PLXNA4: variants seen among roughly 807,000 people sequenced by gnomAD.
The protein encoded by PLXNA4 is plexin A4.
A neutral mutation model predicts 191.8 loss-of-function variants in PLXNA4; 44 were observed. That is an observed-to-expected ratio of 0.23 (90% confidence interval 0.18 to 0.29). PLXNA4 has a LOEUF of 0.29. Ranked by LOEUF, PLXNA4 falls within the 10% of genes least tolerant of loss-of-function variation. PLXNA4 has a pLI of 1.00. For missense variants in PLXNA4, 1,800 were observed against 2,488.8 expected (o/e 0.72, Z 5.89); for synonymous variants, 1,082 against 1,009.5 (o/e 1.07, Z -1.36).
At chr7:132,519,584 C>A (rs1245307589) in intron 1 of PLXNA4, among the ~76,000 whole-genome samples, 1 of 152,192 alleles carries the variant, frequency 6.6e-6, no homozygotes, top group Non-Finnish European at 1.5e-5. Flanking sequence ...CTCACTGCAT[C>A]CCTGCCTGCC....
intron 1 of PLXNA4, among the ~76,000 whole-genome samples, chr7:132,534,541 T>C (rs1563156861): frequency 1.3e-5 from 2 of 152,070 alleles, no homozygotes; most frequent in African/African-American, 4.8e-5. Context: ...TGTGTGTGCA[T>C]AGATTCTGTA....
intron 1 of PLXNA4, among the ~76,000 whole-genome samples, chr7:132,551,900 A>G (rs1282411252): frequency 6.6e-6 from 1 of 152,188 alleles, no homozygotes; most frequent in Non-Finnish European, 1.5e-5. Context: ...TTAAATGAAC[A>G]TACTAATTAG....
intron 30 of PLXNA4, 98 bp from the exon 31 acceptor site, chr7:132,133,297 C>T: frequency 6.5e-7 from 1 of 1,534,680 alleles, no homozygotes; most frequent in Non-Finnish European, 8.7e-7. Flanking sequence ...ATGAGCTCAG[C>T]TTGCACTGCA....
chr7:132,376,494 A>C (rs1804663358), intron 3 of PLXNA4, among the ~76,000 whole-genome samples: 1 of 152,188 alleles, frequency 6.6e-6, no homozygotes, highest in Admixed American at 6.5e-5. Context: ...CAAACTCAGC[A>C]ACTATAAACA....
intron 3 of PLXNA4, among the ~76,000 whole-genome samples, chr7:132,429,802 G>T (rs768248821): frequency 2.6e-5 from 4 of 152,122 alleles, no homozygotes; most frequent in South Asian, 2.1e-4. Flanking sequence ...TTAGAACAAG[G>T]CTTGATGGTC....
chr7:132,226,574 CA>C (rs1267338971), intron 7 of PLXNA4, among the ~76,000 whole-genome samples: 4 of 152,168 alleles, frequency 2.6e-5, no homozygotes, highest in Admixed American at 2.6e-4. Context: ...GATTCATAAC[CA>C]GGAGAAACAC....
At chr7:132,521,815 A>G (rs1426716567) in intron 1 of PLXNA4, among the ~76,000 whole-genome samples, 2 of 152,180 alleles carry the variant, frequency 1.3e-5, no homozygotes, top group East Asian at 3.9e-4. Flanking sequence ...CTCTGAAATC[A>G]ACACCAGGTC....
At chr7:132,529,328 T>C (rs1799532624) in intron 1 of PLXNA4, among the ~76,000 whole-genome samples, 1 of 152,242 alleles carries the variant, frequency 6.6e-6, no homozygotes, top group Admixed American at 6.5e-5. Flanking sequence ...TCTGCATACT[T>C]ATTTTCATGT....
At chr7:132,455,049 A>G (rs1796262703) in intron 3 of PLXNA4, among the ~76,000 whole-genome samples, 1 of 152,216 alleles carries the variant, frequency 6.6e-6, no homozygotes, top group Non-Finnish European at 1.5e-5. Flanking sequence ...AGGCTGTAGA[A>G]GTACCACCCT....
chr7:132,211,539 G>A (rs1193996443), intron 9 of PLXNA4, among the ~76,000 whole-genome samples: 2 of 152,210 alleles, frequency 1.3e-5, no homozygotes, highest in Non-Finnish European at 2.9e-5. Flanking sequence ...CAAGAATTGG[G>A]ATGCACAGAC....
At chr7:132,365,360 T>TGTGTGCGCGCGCGTGCGTGC in intron 3 of PLXNA4, among the ~76,000 whole-genome samples, 1 of 128,742 alleles carries the variant, frequency 7.8e-6, no homozygotes, top group Non-Finnish European at 1.7e-5. Flanking sequence ...TGTGTGTGTG[T>TGTGTGCGCGCGCGTGCGTGC]GCGTGCGCGC....
rs185861930 is a variant in PLXNA4, at chr7:132,425,581, G to A, written c.1371+63711C>T. ...TGAGCCCTGCCTTACCCCAGTCAGG[G>A]GTACCTGCCTTAGAAGAGGCAGACA... On this transcript the variant is annotated intron_variant, in intron 3 of 31. Coordinates refer to ENST00000321063, the MANE Select transcript of PLXNA4 (RefSeq NM_020911.2). Among the ~76,000 whole-genome samples, 121 of 152,222 alleles carry A rather than the reference G, an allele frequency of 7.9e-4. 1 individual carries two copies. The East Asian group carries it at 0.02, about 25-fold the overall frequency.
intron 3 of PLXNA4, among the ~76,000 whole-genome samples, chr7:132,460,798 G>C (rs191880968): frequency 3.5e-4 from 54 of 152,136 alleles, no homozygotes; most frequent in Admixed American, 1.0e-3. Flanking sequence ...AAAAGCAGAG[G>C]GGGGATGGGA....
At chr7:132,272,902 G>A (rs549278861) in intron 4 of PLXNA4, among the ~76,000 whole-genome samples, 23 of 152,108 alleles carry the variant, frequency 1.5e-4, no homozygotes, top group South Asian at 4.2e-4. Flanking sequence ...TCTCCATAAT[G>A]TATTCACTTC....
intron 5 of PLXNA4, among the ~76,000 whole-genome samples, chr7:132,236,613 A>G (rs565485784): frequency 2.1e-4 from 32 of 152,256 alleles, no homozygotes; most frequent in Non-Finnish European, 4.1e-4. Flanking sequence ...TTTAGGGCAG[A>G]GATGACCTAA....
chr7:132,288,226 G>A (rs1386067424), intron 4 of PLXNA4, among the ~76,000 whole-genome samples: 2 of 152,104 alleles, frequency 1.3e-5, no homozygotes, highest in African/African-American at 2.4e-5. Flanking sequence ...AGCGTGTTGC[G>A]CCAGATAAGC....
At chr7:132,336,792 T>C (rs926831755) in intron 3 of PLXNA4, among the ~76,000 whole-genome samples, 19 of 152,248 alleles carry the variant, frequency 1.2e-4, no homozygotes, top group African/African-American at 4.6e-4. Context: ...ACTGGTTGCT[T>C]TCTCATTGTT....
At chr7:132,432,030 C>A (rs1203130606) in intron 3 of PLXNA4, among the ~76,000 whole-genome samples, 1 of 152,114 alleles carries the variant, frequency 6.6e-6, no homozygotes, top group East Asian at 1.9e-4. Flanking sequence ...CATGAGCTCT[C>A]CCCCACACCT....
chr7:132,201,516 T>G (rs112883000), intron 12 of PLXNA4, among the ~76,000 whole-genome samples: 2 of 152,320 alleles, frequency 1.3e-5, no homozygotes, highest in African/African-American at 4.8e-5. Context: ...CACTGTTCAC[T>G]GAGGCAGAGA....
Sources: gnomAD v4.1 joint callset for allele counts (sites outside exome capture counted in the v4.1 genomes callset) on GRCh38, gnomAD v4.1.1 for gene constraint, MANE v1.5 for transcripts, NCBI Gene and HGNC (gene_info 2026-07-23, HGNC 2026-07-21) for gene names.